Variants in UBA2 observed in about 807,000 individuals in gnomAD.
The protein encoded by UBA2 is ubiquitin like modifier activating enzyme 2.
A neutral mutation model predicts 77.2 loss-of-function variants in UBA2; 11 were observed. The ratio of observed to expected loss-of-function variants is 0.14; its 90% CI spans 0.09 to 0.24. The LOEUF (loss-of-function observed/expected upper bound fraction) is 0.24, where lower values mean the gene tolerates loss of function less well. Among genes scored for constraint, UBA2 ranks in the 10% least tolerant of loss-of-function variants. The pLI is 1.00. For missense variants in UBA2, 487 were observed against 781.7 expected (o/e 0.62, Z 4.50); for synonymous variants, 278 against 276.7 (o/e 1.00, Z -0.05).
chr19:34,441,894 C>G (rs1050117192), intron 6 of UBA2, among the ~76,000 whole-genome samples: 20 of 148,542 alleles, frequency 1.3e-4, no homozygotes, highest in Non-Finnish European at 2.5e-4. Context: ...GCACTCCAAC[C>G]TGGGGGACAG....
intron 5 of UBA2, among the ~76,000 whole-genome samples, chr19:34,437,260 C>G (rs2145500386): frequency 6.6e-6 from 1 of 151,160 alleles, no homozygotes; most frequent in Middle Eastern, 3.4e-3. Flanking sequence ...CCACGCCCGG[C>G]CAGACATTGC....
intron 16 of UBA2, 64 bp from the exon 17 acceptor site, chr19:34,468,976 C>T: frequency 1.5e-6 from 2 of 1,364,850 alleles, no homozygotes; most frequent in South Asian, 3.2e-5. Flanking sequence ...ATAGAAAATA[C>T]AGGTGAGCAC....
intron 1 of UBA2, chr19:34,428,793 G>T: frequency 8.7e-7 from 1 of 1,151,590 alleles, no homozygotes; most frequent in Admixed American, 4.5e-5. Flanking sequence ...TCCGGACGCC[G>T]AGGAGGCCGC....
At chr19:34,431,244 CTTTTTTT>C (rs1184297228) in intron 2 of UBA2, among the ~76,000 whole-genome samples, 9 of 69,390 alleles carry the variant, frequency 1.3e-4, no homozygotes, top group South Asian at 6.6e-4. Context: ...ATTTTCTTTT[CTTTTTTT>C]TTTTTTTTTT....
chr19:34,436,626 C>A (rs1369927135), intron 5 of UBA2, among the ~76,000 whole-genome samples: 1 of 152,160 alleles, frequency 6.6e-6, no homozygotes, highest in Non-Finnish European at 1.5e-5. Context: ...AACCTCAACA[C>A]GGCTTCATTT....
chr19:34,448,188 G>A (rs1022930531), intron 8 of UBA2, among the ~76,000 whole-genome samples: 4 of 152,136 alleles, frequency 2.6e-5, no homozygotes, highest in Non-Finnish European at 4.4e-5. Context: ...AGTGCCCCTG[G>A]AGTTGTGCAG....
At chr19:34,432,262 T>C (rs1259091390) in intron 3 of UBA2, among the ~76,000 whole-genome samples, 2 of 152,350 alleles carry the variant, frequency 1.3e-5, no homozygotes, top group Non-Finnish European at 2.9e-5. Flanking sequence ...GTTTGCCTTT[T>C]TTTGTTTAAA....
intron 12 of UBA2, 69 bp downstream of exon 12, chr19:34,454,625 CAG>C (rs1216737647): frequency 1.3e-6 from 1 of 759,024 alleles, no homozygotes; most frequent in Non-Finnish European, 2.0e-6. Context: ...GTACATTAAA[CAG>C]ATAATTTTTA....
At chr19:34,428,785 C>G (rs1455532318) in intron 1 of UBA2, 4 of 1,146,608 alleles carry the variant, frequency 3.5e-6, no homozygotes, top group South Asian at 4.5e-5. Flanking sequence ...GGGCCGGCTC[C>G]GGACGCCGAG....
At chr19:34,466,720 CCTAT>C (rs1217468046) in intron 15 of UBA2, among the ~76,000 whole-genome samples, 154 bp from the exon 16 acceptor site, 4 of 151,530 alleles carry the variant, frequency 2.6e-5, no homozygotes, top group Admixed American at 6.6e-5. Context: ...ATTATGAGAC[CCTAT>C]CTCTCATTTT....
chr19:34,428,617 G>A (rs1389257609), intron 1 of UBA2, 47 bp downstream of exon 1: 3 of 1,293,630 alleles, frequency 2.3e-6, no homozygotes, highest in Non-Finnish European at 2.0e-6. Flanking sequence ...TGGTGCGGGG[G>A]CTGGGATTCG....
At chr19:34,443,174 A>G (rs117195526) in intron 6 of UBA2, among the ~76,000 whole-genome samples, 5,822 of 152,264 alleles carry the variant, frequency 0.038, 178 homozygotes, top group Admixed American at 0.11. Context: ...CCTGAGGTAT[A>G]TAATAATGTT....
In UBA2 at chr19:34,468,966, A is replaced by T. The variant is rs1002341003; in HGVS notation, c.1742-74A>T. ...GTATTAGAAGAGTCAGCTTTCAATT[A>T]TAGAAAATACAGGTGAGCACAGGTA... On this transcript the variant is annotated intron_variant, in intron 16 of 16. Coordinates refer to ENST00000246548, the MANE Select transcript of UBA2 (RefSeq NM_005499.3). 10 of 1,305,548 alleles carry T rather than the reference A, an allele frequency of 7.7e-6. No homozygotes were observed. The African/African-American group carries it at 1.5e-4, about 19-fold the overall frequency. 80.9% of individuals were successfully genotyped at this position (1,305,548 alleles called of 1,614,324 possible).
chr19:34,451,283 A>G (rs1264506636), intron 9 of UBA2, among the ~76,000 whole-genome samples: 2 of 152,170 alleles, frequency 1.3e-5, no homozygotes, highest in East Asian at 1.9e-4. Flanking sequence ...GCACAGCAGT[A>G]TAGCACCCAT....
intron 15 of UBA2, among the ~76,000 whole-genome samples, chr19:34,466,372 G>A (rs1209860501): frequency 2.0e-5 from 3 of 152,202 alleles, no homozygotes; most frequent in African/African-American, 7.2e-5. Context: ...AGTAGAGGAT[G>A]TAGAAATCTT....
chr19:34,457,180 ATAT>A (rs1247739803), intron 12 of UBA2, among the ~76,000 whole-genome samples: 766 of 39,960 alleles, frequency 0.019, 7 homozygotes, highest in African/African-American at 0.1. Context: ...AAAAAAAAAA[ATAT>A]ATATATATAT....
Position 34,458,935 on chromosome 19 carries a change from G to T in UBA2, c.1401+11G>T. ...ACCTTACAAGACAAGGTCAGTGCAAGGCCTGGGTCTCTTTTCCTTTTGCTT... is the reference window on the plus strand; with the variant it reads ...ACCTTACAAGACAAGGTCAGTGCAATGCCTGGGTCTCTTTTCCTTTTGCTT... On this transcript the variant is annotated intron_variant, in intron 13 of 16. Transcript: ENST00000246548. 6.2e-7 allele frequency: 1 copy of T among 1,605,274 alleles called. No individual in the cohort carries two copies. Among genetic ancestry groups the T allele is most frequent in the Non-Finnish European group, 8.5e-7 (1 of 1,177,248 alleles).
At chr19:34,460,098 A>G (rs1164010793) in intron 13 of UBA2, among the ~76,000 whole-genome samples, 1 of 152,174 alleles carries the variant, frequency 6.6e-6, no homozygotes, top group East Asian at 1.9e-4. Context: ...GAGTCAGGTT[A>G]ATGAGAACTG....
At chr19:34,465,927 A>C (rs980390074) in intron 15 of UBA2, among the ~76,000 whole-genome samples, 1 of 152,118 alleles carries the variant, frequency 6.6e-6, no homozygotes, top group Admixed American at 6.5e-5. Flanking sequence ...GTTTGACTTA[A>C]ATGTTTCTGA....
Sources: allele counts gnomAD v4.1 joint callset (sites outside exome capture counted in the v4.1 genomes callset), GRCh38; gene constraint gnomAD v4.1.1; transcripts MANE v1.5; gene names NCBI Gene and HGNC (gene_info 2026-07-23, HGNC 2026-07-21).